The following MACROD2 variants were observed in gnomAD, a reference collection of about 807,000 sequenced individuals.
MACROD2 encodes the protein mono-ADP ribosylhydrolase 2.
In MACROD2, 36 loss-of-function variants were observed where a neutral mutation model predicts 70.4. That is an observed-to-expected ratio of 0.51 (90% CI 0.39 to 0.68). The LOEUF is 0.68. Ranked by LOEUF, MACROD2 falls within the 30% of genes least tolerant of loss-of-function variation. MACROD2 has a pLI of 0.00. For missense variants in MACROD2, 496 were observed against 538.4 expected (o/e 0.92, Z 0.78); for synonymous variants, 172 against 178.8 (o/e 0.96, Z 0.30).
intron 8 of MACROD2, among the ~76,000 whole-genome samples, chr20:15,821,817 G>A (rs938691366): frequency 6.6e-6 from 1 of 152,184 alleles, no homozygotes; most frequent in Non-Finnish European, 1.5e-5. Context: ...AGAGGATGGA[G>A]CATTGTGGCT....
intron 16 of MACROD2, among the ~76,000 whole-genome samples, chr20:16,044,222 A>G (rs6110881): frequency 0.22 from 34,031 of 151,930 alleles, 4,085 homozygotes; most frequent in Non-Finnish European, 0.26. Flanking sequence ...CGTGTCACAC[A>G]CTTTTAAACA....
At chr20:15,539,207 G>A (rs1040731153) in intron 8 of MACROD2, among the ~76,000 whole-genome samples, 1 of 152,118 alleles carries the variant, frequency 6.6e-6, no homozygotes, top group African/African-American at 2.4e-5. Context: ...AGATGTAGGG[G>A]CAGCATAAAA....
chr20:14,184,440 T>G (rs2081328404), intron 3 of MACROD2, among the ~76,000 whole-genome samples: 1 of 152,126 alleles, frequency 6.6e-6, no homozygotes, highest in Non-Finnish European at 1.5e-5. Context: ...CCCTGTAGTA[T>G]AGTTTGAAGT....
At chr20:15,576,129 A>G (rs564902577) in intron 8 of MACROD2, among the ~76,000 whole-genome samples, 1 of 152,058 alleles carries the variant, frequency 6.6e-6, no homozygotes, top group African/African-American at 2.4e-5. Context: ...ATGCACTAAA[A>G]TTCACTTCTT....
At chr20:14,074,687 C>A (rs1212648215) in intron 2 of MACROD2, among the ~76,000 whole-genome samples, 2 of 152,114 alleles carry the variant, frequency 1.3e-5, no homozygotes, top group Non-Finnish European at 2.9e-5. Flanking sequence ...TCTGTTTGAA[C>A]ATGCTTCTCC....
intron 6 of MACROD2, among the ~76,000 whole-genome samples, chr20:15,336,729 C>G (rs989432943): frequency 1.1e-4 from 17 of 151,720 alleles, no homozygotes; most frequent in African/African-American, 4.1e-4. Flanking sequence ...AGCGTGGCAT[C>G]TTTCTTCCAG....
intron 4 of MACROD2, among the ~76,000 whole-genome samples, chr20:14,581,397 C>T (rs1016740696): frequency 6.6e-6 from 1 of 152,194 alleles, no homozygotes; most frequent in Non-Finnish European, 1.5e-5. Context: ...CGAAGGTTGA[C>T]AACCACTGAT....
At chr20:15,133,245 A>G (rs1029931996) in intron 5 of MACROD2, among the ~76,000 whole-genome samples, 9 of 152,148 alleles carry the variant, frequency 5.9e-5, no homozygotes, top group African/African-American at 1.7e-4. Context: ...AGAAAACAGT[A>G]TGAGAAAGGA....
chr20:15,303,608 A>G (rs560143364), intron 6 of MACROD2, among the ~76,000 whole-genome samples: 2 of 152,284 alleles, frequency 1.3e-5, no homozygotes, highest in East Asian at 3.9e-4. Flanking sequence ...TCACTTTTTC[A>G]ATCTATTTGT....
chr20:14,781,791 A>T (rs1019073345), intron 5 of MACROD2, among the ~76,000 whole-genome samples: 5 of 151,998 alleles, frequency 3.3e-5, no homozygotes, highest in African/African-American at 1.2e-4. Flanking sequence ...AGATTTAGTT[A>T]TGATTTTTAT....
chr20:15,907,126 T>G (rs572955418), intron 10 of MACROD2, among the ~76,000 whole-genome samples: 1 of 152,346 alleles, frequency 6.6e-6, no homozygotes, highest in African/African-American at 2.4e-5. Context: ...CGCCTTAGCC[T>G]TGGTACCCAC....
intron 5 of MACROD2, among the ~76,000 whole-genome samples, chr20:15,079,537 ACACACATCTC>A (rs1311476490): frequency 6.6e-6 from 1 of 152,040 alleles, no homozygotes; most frequent in African/African-American, 2.4e-5. Context: ...CATTAATCCC[ACACACATCTC>A]CACACTTGAG....
chr20:14,331,538 T>C (rs1361386458), intron 3 of MACROD2, among the ~76,000 whole-genome samples: 1 of 152,060 alleles, frequency 6.6e-6, no homozygotes, highest in Non-Finnish European at 1.5e-5. Flanking sequence ...GGCAAAAACA[T>C]AAAACAGGTT....
chr20:15,736,202 C>G (rs966115176), intron 8 of MACROD2, among the ~76,000 whole-genome samples: 4 of 152,208 alleles, frequency 2.6e-5, no homozygotes, highest in African/African-American at 7.2e-5. Flanking sequence ...CTCATTCTCT[C>G]TACATCACAA....
chr20:15,600,944 A>G (rs2048811550), intron 8 of MACROD2, among the ~76,000 whole-genome samples: 1 of 152,228 alleles, frequency 6.6e-6, no homozygotes, highest in Non-Finnish European at 1.5e-5. Flanking sequence ...CCTTCTGGTA[A>G]TGAATTCATT....
chr20:14,214,263 G>A (rs1444444640), intron 3 of MACROD2, among the ~76,000 whole-genome samples: 1 of 152,142 alleles, frequency 6.6e-6, no homozygotes, highest in East Asian at 1.9e-4. Flanking sequence ...TGGGAACTAT[G>A]ATTCCTGCCT....
chr20:14,780,850 G>A (rs559844043), intron 5 of MACROD2, among the ~76,000 whole-genome samples: 5 of 152,144 alleles, frequency 3.3e-5, no homozygotes, highest in Admixed American at 3.3e-4. Flanking sequence ...CTTTTTTAAA[G>A]ATAGCTGAAC....
chr20:14,591,980 G>A (rs556384089), intron 4 of MACROD2, among the ~76,000 whole-genome samples: 1 of 152,164 alleles, frequency 6.6e-6, no homozygotes, highest in Non-Finnish European at 1.5e-5. Flanking sequence ...ATGTGAAGGT[G>A]ACAGGAAATC....
chr20:14,299,406 C>A (rs2082455575), intron 3 of MACROD2, among the ~76,000 whole-genome samples: 1 of 152,044 alleles, frequency 6.6e-6, no homozygotes. Flanking sequence ...ACTGGGAAAC[C>A]AGAAACGTGA....
Sources: gnomAD v4.1 joint callset for allele counts (sites outside exome capture counted in the v4.1 genomes callset) on GRCh38, gnomAD v4.1.1 for gene constraint, MANE v1.5 for transcripts, NCBI Gene and HGNC (gene_info 2026-07-23, HGNC 2026-07-21) for gene names.